SLC39A12: variants seen among roughly 807,000 people sequenced by gnomAD.
SLC39A12 encodes the protein solute carrier family 39 member 12.
In SLC39A12, 63 loss-of-function variants were observed where a neutral mutation model predicts 71.1. The observed-to-expected ratio is 0.89, with a 90% confidence interval of 0.72 to 1.09. SLC39A12 has a LOEUF of 1.09. Ranked by LOEUF, SLC39A12 falls within the 50% of genes least tolerant of loss-of-function variation. The probability of loss-of-function intolerance (pLI) is 0.00; values close to 1 mark genes in which losing one functional copy is unlikely to be tolerated. For synonymous variants in SLC39A12, 351 were observed against 301.3 expected (o/e 1.16, Z -1.71); for missense variants, 892 against 812.6 (o/e 1.10, Z -1.19).
chr10:18,028,019 G>A (rs1248878083), intron 12 of SLC39A12, among the ~76,000 whole-genome samples: 1 of 152,136 alleles, frequency 6.6e-6, no homozygotes, highest in Non-Finnish European at 1.5e-5. Flanking sequence ...AAGCAAACAT[G>A]GTTCTGCTTA....
At chr10:17,999,424 T>A (rs1835772581) in intron 10 of SLC39A12, among the ~76,000 whole-genome samples, 2 of 151,920 alleles carry the variant, frequency 1.3e-5, no homozygotes, top group Non-Finnish European at 2.9e-5. Context: ...ACTATGACAA[T>A]TGATTAATGA....
intron 12 of SLC39A12, among the ~76,000 whole-genome samples, chr10:18,037,981 A>G (rs112769593): frequency 2.2e-5 from 3 of 137,662 alleles, no homozygotes; most frequent in Admixed American, 7.7e-5. Flanking sequence ...GATCACACCA[A>G]TGCACTCCAG....
rs1277319900 is a variant in SLC39A12 at position 18,036,784 on chromosome 10, A to ATT, written c.1948-5920_1948-5919insTT. ...TATATATATATATATATATATATAT[A>ATT]TATATATATATTTTTTTTTTTAATG... On this transcript the variant is annotated intron_variant, in intron 12 of 12. Transcript: ENST00000377369. Among the ~76,000 whole-genome samples, 67 of 7,684 alleles carry ATT rather than the reference A, an allele frequency of 8.7e-3. 1 individual carries two copies. The highest frequency in any genetic ancestry group is 0.033 in the African/African-American group (62 of 1,872). The allele number at this position is 7,684 out of a possible 152,430, so 5.0% of individuals were successfully genotyped here.
chr10:17,988,037 G>A (rs1835449182), intron 7 of SLC39A12, among the ~76,000 whole-genome samples: 1 of 152,150 alleles, frequency 6.6e-6, no homozygotes, highest in Non-Finnish European at 1.5e-5. Context: ...AGCTGCACAT[G>A]TTACATGCAC....
chr10:17,960,271 C>G (rs1834654440), intron 2 of SLC39A12, among the ~76,000 whole-genome samples: 1 of 152,194 alleles, frequency 6.6e-6, no homozygotes, highest in African/African-American at 2.4e-5. Context: ...GAATGTTCTC[C>G]TCTTCCTGAT....
intron 12 of SLC39A12, among the ~76,000 whole-genome samples, chr10:18,034,705 G>T (rs1488503590): frequency 0.014 from 2,174 of 151,708 alleles, 56 homozygotes; most frequent in African/African-American, 0.05. Context: ...GTTAGCTGGT[G>T]ATTTTGCTTG....
At chr10:17,974,157 C>A (rs2130798501) in intron 4 of SLC39A12, among the ~76,000 whole-genome samples, 1 of 151,206 alleles carries the variant, frequency 6.6e-6, no homozygotes, top group East Asian at 1.9e-4. Flanking sequence ...GTTCTGAATT[C>A]CTTCTCTGTG....
chr10:18,006,794 C>A (rs1836033768), intron 12 of SLC39A12, among the ~76,000 whole-genome samples: 1 of 152,162 alleles, frequency 6.6e-6, no homozygotes, highest in African/African-American at 2.4e-5. Context: ...CACCTGAGTA[C>A]TAAGAGCATT....
chr10:18,003,961 T>G (rs1835918472), intron 12 of SLC39A12, among the ~76,000 whole-genome samples: 1 of 152,228 alleles, frequency 6.6e-6, no homozygotes, highest in South Asian at 2.1e-4. Flanking sequence ...AAAGAAGATT[T>G]TTATAGTATT....
intron 12 of SLC39A12, chr10:18,004,424 A>G (rs1422994491): frequency 6.6e-6 from 1 of 152,172 alleles, no homozygotes; most frequent in African/African-American, 2.4e-5. Context: ...AGTAAAAGAA[A>G]TATTTCATGA....
intron 7 of SLC39A12, among the ~76,000 whole-genome samples, chr10:17,988,200 C>T (rs1364934059): frequency 6.6e-6 from 1 of 152,072 alleles, no homozygotes; most frequent in African/African-American, 2.4e-5. Flanking sequence ...CCTAGCTACT[C>T]GGGAGGCTGA....
chr10:18,014,485 C>CA (rs1836322475), intron 12 of SLC39A12, among the ~76,000 whole-genome samples: 1 of 152,076 alleles, frequency 6.6e-6, no homozygotes, highest in Non-Finnish European at 1.5e-5. Flanking sequence ...ATTTACAAGT[C>CA]AAAAAGATCC....
chr10:17,973,825 A>G (rs1835036220), intron 4 of SLC39A12, among the ~76,000 whole-genome samples: 1 of 149,360 alleles, frequency 6.7e-6, no homozygotes, highest in Non-Finnish European at 1.5e-5. Context: ...TAAACTTTCT[A>G]CCCCTATCTC....
chr10:18,005,073 G>A (rs145799259), intron 12 of SLC39A12, among the ~76,000 whole-genome samples: 6 of 151,700 alleles, frequency 4.0e-5, no homozygotes, highest in African/African-American at 9.7e-5. Flanking sequence ...GGGGCCTGTC[G>A]GGGGAGGGTG....
chr10:18,038,477 C>T (rs1378199775), intron 12 of SLC39A12, among the ~76,000 whole-genome samples: 2 of 152,008 alleles, frequency 1.3e-5, no homozygotes, highest in Non-Finnish European at 2.9e-5. Flanking sequence ...ATGGTGAAAC[C>T]CAGTCTCTAC....
At chr10:17,952,099 G>A (rs1834414703) in intron 1 of SLC39A12, 74 bp downstream of exon 1, 1 of 152,140 alleles carries the variant, frequency 6.6e-6, no homozygotes, top group Non-Finnish European at 1.5e-5. Flanking sequence ...ACCTTAAAGT[G>A]TTGTTGTTGT....
chr10:17,958,950 G>A (rs1834618469), intron 2 of SLC39A12, among the ~76,000 whole-genome samples: 1 of 152,004 alleles, frequency 6.6e-6, no homozygotes. Context: ...ATTACTTTAT[G>A]CATTTTTCAA....
Position 17,984,242 on chromosome 10 carries a change from C to T in SLC39A12, c.1096+2759C>T, listed in dbSNP as rs188574140. On this transcript the variant is annotated intron_variant, in intron 6 of 12. Coordinates refer to ENST00000377369, the MANE Select transcript of SLC39A12 (RefSeq NM_001145195.2). ...AGATATTTTATGGTTTTGAGGCTGT[C>T]GTTCCTACATGAAAGCAAGTGAAAT... is the stretch of plus-strand genomic sequence containing the variant. 1.2e-4 allele frequency among the ~76,000 whole-genome samples: 18 copies of T among 152,322 alleles called. 1 individual carries two copies. Among genetic ancestry groups the T allele is most frequent in the South Asian group, 2.1e-4 (1 of 4,824 alleles).
rs745684230 is a variant in SLC39A12, at chr10:17,985,911, A to G, written c.1097-1568A>G. ...AAGTCATTGCAATCATCCAAAATGT[A>G]GATTGTTCAGATTTTTATTATCGAC... is the stretch of plus-strand genomic sequence containing the variant. On this transcript the variant is annotated intron_variant, in intron 6 of 12. Coordinates refer to ENST00000377369, the MANE Select transcript of SLC39A12 (RefSeq NM_001145195.2). 2.0e-5 allele frequency among the ~76,000 whole-genome samples: 3 copies of G among 152,326 alleles called. No individual in the cohort carries two copies. The East Asian group carries it at 5.8e-4, about 29-fold the overall frequency.
Sources: gnomAD v4.1 joint callset for allele counts (sites outside exome capture counted in the v4.1 genomes callset) on GRCh38, gnomAD v4.1.1 for gene constraint, MANE v1.5 for transcripts, NCBI Gene and HGNC (gene_info 2026-07-23, HGNC 2026-07-21) for gene names.